The following SLN variants were observed in gnomAD, a reference collection of about 807,000 sequenced individuals.
The protein encoded by SLN is sarcolipin.
For missense variants in SLN, 34 were observed against 37.4 expected (o/e 0.91, Z 0.24); for synonymous variants, 19 against 14.4 (o/e 1.32, Z -0.72).
At chr11:107,711,864 C>T (rs1320370601) in intron 1 of SLN, 99 bp downstream of exon 1, 1 of 152,134 alleles carries the variant, frequency 6.6e-6, no homozygotes, top group African/African-American at 2.4e-5. Context: ...AGGGGCATTG[C>T]CTATTTCATT....
intron 1 of SLN, among the ~76,000 whole-genome samples, chr11:107,709,940 A>T (rs534936025): frequency 6.6e-6 from 1 of 152,352 alleles, no homozygotes; most frequent in Admixed American, 6.5e-5. Flanking sequence ...TAACACAGCA[A>T]GACCCTGTCT....
intron 1 of SLN, among the ~76,000 whole-genome samples, chr11:107,710,313 A>G (rs1867198825): frequency 6.6e-6 from 1 of 152,228 alleles, no homozygotes; most frequent in Non-Finnish European, 1.5e-5. Flanking sequence ...TGCCTATTAA[A>G]TTAAGCTGTT....
intron 1 of SLN, among the ~76,000 whole-genome samples, chr11:107,708,379 T>C (rs1022937628): frequency 6.6e-6 from 1 of 152,066 alleles, no homozygotes; most frequent in African/African-American, 2.4e-5. Context: ...AGAAACCAAC[T>C]GTGCCAACAC....
chr11:107,708,089 G>A (rs1413426714), intron 1 of SLN, 84 bp from the exon 2 acceptor site: 1 of 631,456 alleles, frequency 1.6e-6, no homozygotes, highest in Non-Finnish European at 2.9e-6. Context: ...AAAGGAAACA[G>A]AAGTGTTGTG....
At chr11:107,708,899 C>A (rs1378102536) in intron 1 of SLN, among the ~76,000 whole-genome samples, 2 of 152,166 alleles carry the variant, frequency 1.3e-5, no homozygotes, top group African/African-American at 4.8e-5. Context: ...TCTAACTCTA[C>A]GGAAAGCAGA....
chr11:107,709,898 A>G lies in SLN; in HGVS notation c.-75-1893T>C, dbSNP rs1286106980. Among the ~76,000 whole-genome samples the G allele has an allele frequency of 3.3e-5, 5 of 151,960 alleles. No homozygotes were observed. In the East Asian group the frequency reaches 9.7e-4, roughly 29 times the overall value. Reference sequence around the variant, plus strand: ...TTTGGGAGGCTGGAGTGGGAGGATCACTTGAGCCTAGGAGTTCAAGACCAG... The same window carrying G: ...TTTGGGAGGCTGGAGTGGGAGGATCGCTTGAGCCTAGGAGTTCAAGACCAG... On this transcript the variant is annotated intron_variant, in intron 1 of 1. Coordinates refer to ENST00000305991, the MANE Select transcript of SLN (RefSeq NM_003063.3).
rs1326405093 is a variant in SLN at position 107,707,410 on chromosome 11, T to C, written c.*425A>G. On this transcript the variant is annotated 3_prime_UTR_variant, in exon 2 of 2. Transcript: ENST00000305991. The stretch of plus-strand genomic sequence containing the variant: ...AGTTGACTTAACTTTATTCACATGA[T>C]AGCTATAAGGGCTGACAAAGACTTC... 6.4e-6 allele frequency: 1 copy of C among 156,424 alleles called. No homozygotes were observed. Among genetic ancestry groups the C allele is most frequent in the African/African-American group, 2.4e-5 (1 of 41,578 alleles). The allele number at this position is 156,424 out of a possible 1,614,324, so 9.7% of individuals were successfully genotyped here.
rs1867174292 is a variant in SLN, at chr11:107,708,032, A to T, written c.-75-27T>A. ...TGATAAAACATAACAAAGAAAACAC[A>T]AGGAGATTAATGGGCATTCCTGTAT... On this transcript the variant is annotated intron_variant, in intron 1 of 1. Coordinates refer to ENST00000305991, the MANE Select transcript of SLN (RefSeq NM_003063.3). 2.3e-5 allele frequency: 18 copies of T among 793,956 alleles called. No individual in the cohort carries two copies. The South Asian group carries it at 2.6e-4, about 11-fold the overall frequency. The allele number at this position is 793,956 out of a possible 1,614,324, so 49.2% of individuals were successfully genotyped here.
intron 1 of SLN, among the ~76,000 whole-genome samples, chr11:107,708,268 C>G (rs1181520843): frequency 6.6e-6 from 1 of 152,022 alleles, no homozygotes; most frequent in Non-Finnish European, 1.5e-5. Context: ...TGACTAGTGT[C>G]TTTATCAGAA....
At chr11:107,709,029 C>T (rs969785675) in intron 1 of SLN, among the ~76,000 whole-genome samples, 5 of 152,232 alleles carry the variant, frequency 3.3e-5, no homozygotes, top group Admixed American at 2.6e-4. Context: ...GTGTTAACTT[C>T]ATGGGTACTT....
intron 1 of SLN, among the ~76,000 whole-genome samples, chr11:107,710,279 G>A (rs900433861): frequency 2.6e-5 from 4 of 152,190 alleles, no homozygotes; most frequent in African/African-American, 9.6e-5. Flanking sequence ...TTCAAGGAGA[G>A]CAAAACAACG....
At position 107,707,914 on chromosome 11, in the gene SLN, C is replaced by T. The variant is rs763412767; in HGVS notation, c.17G>A (p.Arg6Gln). 22 of 1,613,674 alleles carry T rather than the reference C, an allele frequency of 1.4e-5. No homozygotes were observed. The highest frequency in any genetic ancestry group is 8.3e-5 in the Admixed American group (5 of 59,952). MGINT[R>Q]ELFLNFTIVL... ...AATAGTGAAGTTGAGAAACAGCTCC[C>T]GGGTGTTTATCCCCATTTTCACAGC... Residue 6 changes from arginine to glutamine, a missense_variant, in exon 2 of 2, where the codon CGG (arginine) becomes CAG (glutamine). By Grantham distance (43) the Arg-to-Gln change is conservative. Coordinates refer to ENST00000305991, the MANE Select transcript of SLN (RefSeq NM_003063.3).
chr11:107,710,105 A>G (rs1867196992), intron 1 of SLN, among the ~76,000 whole-genome samples: 1 of 152,256 alleles, frequency 6.6e-6, no homozygotes, highest in Admixed American at 6.5e-5. Flanking sequence ...GAGTCTTGCC[A>G]AGGTGCCTGG....
intron 1 of SLN, among the ~76,000 whole-genome samples, chr11:107,710,472 C>T (rs533281949): frequency 2.6e-5 from 4 of 152,110 alleles, no homozygotes; most frequent in African/African-American, 9.6e-5. Context: ...CTCAAGATTA[C>T]AGCTGAGAAA....
intron 1 of SLN, among the ~76,000 whole-genome samples, chr11:107,708,988 T>A (rs1364631827): frequency 6.6e-6 from 1 of 152,188 alleles, no homozygotes; most frequent in Non-Finnish European, 1.5e-5. Flanking sequence ...CAAAAGCCCC[T>A]GGCATAACAG....
chr11:107,709,603 T>C (rs904314825), intron 1 of SLN, among the ~76,000 whole-genome samples: 2 of 152,178 alleles, frequency 1.3e-5, no homozygotes, highest in African/African-American at 4.8e-5. Flanking sequence ...TCCTAGCTAA[T>C]TGGGAAGCTG....
intron 1 of SLN, among the ~76,000 whole-genome samples, chr11:107,711,292 T>G (rs1867207421): frequency 1.3e-5 from 2 of 152,190 alleles, no homozygotes; most frequent in Admixed American, 1.3e-4. Flanking sequence ...ACTTCTTTCT[T>G]TCTTGGGATT....
intron 1 of SLN, among the ~76,000 whole-genome samples, chr11:107,710,723 G>A (rs1867202807): frequency 6.6e-6 from 1 of 152,080 alleles, no homozygotes; most frequent in Non-Finnish European, 1.5e-5. Flanking sequence ...CTAATATCTG[G>A]CATTTCACTT....
At chr11:107,709,928 G>C (rs1867195522) in intron 1 of SLN, among the ~76,000 whole-genome samples, 1 of 152,154 alleles carries the variant, frequency 6.6e-6, no homozygotes, top group Non-Finnish European at 1.5e-5. Context: ...GACCAGCCTG[G>C]ATAACACAGC....
Sources: gnomAD v4.1 joint callset for allele counts (sites outside exome capture counted in the v4.1 genomes callset) on GRCh38, gnomAD v4.1.1 for gene constraint, MANE v1.5 for transcripts, NCBI Gene and HGNC (gene_info 2026-07-23, HGNC 2026-07-21) for gene names.